The following MAP7 variants were observed in gnomAD, a reference collection of about 807,000 sequenced individuals.
MAP7 encodes the protein ensconsin.
Under a neutral mutation model 94.8 loss-of-function variants are expected in MAP7, and 52 were observed. That is an observed-to-expected ratio of 0.55 (90% CI 0.44 to 0.69). The LOEUF is 0.69. Among genes scored for constraint, MAP7 ranks in the 30% least tolerant of loss-of-function variants. The pLI is 0.00. For synonymous variants in MAP7, 350 were observed against 357.0 expected (o/e 0.98, Z 0.22); for missense variants, 940 against 964.6 (o/e 0.97, Z 0.34).
At chr6:136,456,763 AGG>A in intron 1 of MAP7, among the ~76,000 whole-genome samples, 1 of 46,998 alleles carries the variant, frequency 2.1e-5, no homozygotes, top group African/African-American at 8.1e-5. Flanking sequence ...GAGGAGGAGG[AGG>A]AGGAAGAAGA....
intron 2 of MAP7, among the ~76,000 whole-genome samples, chr6:136,413,361 A>G (rs965017865): frequency 1.3e-5 from 2 of 152,000 alleles, no homozygotes; most frequent in African/African-American, 4.8e-5. Context: ...TGTCTCTACT[A>G]AAAATACAAA....
intron 6 of MAP7, among the ~76,000 whole-genome samples, chr6:136,380,768 T>C (rs1777519935): frequency 1.3e-5 from 2 of 152,252 alleles, no homozygotes; most frequent in South Asian, 4.1e-4. Flanking sequence ...AACACCATAT[T>C]CAGGTGTAAT....
At chr6:136,470,912 A>C (rs1808765617) in intron 1 of MAP7, among the ~76,000 whole-genome samples, 1 of 152,122 alleles carries the variant, frequency 6.6e-6, no homozygotes, top group South Asian at 2.1e-4. Flanking sequence ...TTCCTTGCAG[A>C]GTTTCACATA....
chr6:136,411,484 T>C, intron 3 of MAP7, 136 bp downstream of exon 3: 1 of 722,352 alleles, frequency 1.4e-6, no homozygotes, highest in Non-Finnish European at 2.3e-6. Flanking sequence ...AACTTATCCC[T>C]ATGTTTATAT....
At chr6:136,408,652 A>C (rs1414272927) in intron 3 of MAP7, among the ~76,000 whole-genome samples, 1 of 152,168 alleles carries the variant, frequency 6.6e-6, no homozygotes, top group East Asian at 1.9e-4. Flanking sequence ...ATTTTTTTTA[A>C]CTTGAAAACT....
intron 1 of MAP7, among the ~76,000 whole-genome samples, chr6:136,547,711 C>A (rs1161523938): frequency 6.7e-6 from 1 of 150,092 alleles, no homozygotes; most frequent in African/African-American, 2.5e-5. Flanking sequence ...TATATACCCA[C>A]AGAAATAGGG....
intron 16 of MAP7, among the ~76,000 whole-genome samples, chr6:136,352,860 A>G (rs1789621534): frequency 6.6e-6 from 1 of 152,250 alleles, no homozygotes; most frequent in South Asian, 2.1e-4. Context: ...GATAAATAAA[A>G]GTACTTCTTT....
intron 1 of MAP7, among the ~76,000 whole-genome samples, chr6:136,456,267 A>G (rs72977584): frequency 7.4e-4 from 113 of 152,366 alleles, no homozygotes; most frequent in Admixed American, 2.0e-3. Context: ...TAGGGAAATT[A>G]TAAAATATCT....
chr6:136,378,793 T>G (rs770615878), intron 6 of MAP7, among the ~76,000 whole-genome samples: 2 of 152,232 alleles, frequency 1.3e-5, no homozygotes, highest in African/African-American at 2.4e-5. Context: ...ATAGAAGCTA[T>G]TTTCCAAAAA....
At chr6:136,382,531 C>A (rs1287797017) in intron 6 of MAP7, among the ~76,000 whole-genome samples, 1 of 151,908 alleles carries the variant, frequency 6.6e-6, no homozygotes, top group Non-Finnish European at 1.5e-5. Flanking sequence ...TTATGAAAGG[C>A]CCCTAATTTG....
At chr6:136,376,712 T>TC (rs1776266162) in intron 7 of MAP7, among the ~76,000 whole-genome samples, 1 of 152,252 alleles carries the variant, frequency 6.6e-6, no homozygotes, top group Admixed American at 6.5e-5. Flanking sequence ...TCACTTATTG[T>TC]CGCTGCACTT....
intron 1 of MAP7, among the ~76,000 whole-genome samples, chr6:136,501,430 T>C (rs1246324773): frequency 6.6e-6 from 1 of 152,230 alleles, no homozygotes; most frequent in Non-Finnish European, 1.5e-5. Flanking sequence ...AGGTATTACC[T>C]TGTGTAAAAT....
Position 136,362,525 on chromosome 6 carries a change from G to C in MAP7, c.1451C>G (p.Ala484Gly). The change falls in exon 11 of 18, where the codon GCT becomes GGT. Residue 484 changes from alanine (A) to glycine (G), a missense_variant. Physicochemically the swap from Ala to Gly is moderately conservative, Grantham distance 60. Coordinates refer to ENST00000354570, the MANE Select transcript of MAP7 (RefSeq NM_003980.6). ...CTCTCGGGCCAGCCGCCTCTTCTCA[G>C]CTAGAAGCCTTGTGGCCTCCTCTGG... Reference protein sequence around the residue: ...TDPEEATRLLAEKRRLAREQR... With the variant: ...TDPEEATRLLGEKRRLAREQR... 2 of 1,614,090 alleles carry C rather than the reference G, an allele frequency of 1.2e-6. No individual in the cohort carries two copies. Among genetic ancestry groups the C allele is most frequent in the African/African-American group, 2.7e-5 (2 of 75,006 alleles).
At chr6:136,540,930 T>G (rs774646314) in intron 1 of MAP7, among the ~76,000 whole-genome samples, 8 of 152,180 alleles carry the variant, frequency 5.3e-5, no homozygotes, top group Non-Finnish European at 8.8e-5. Context: ...TCAATGATAC[T>G]CCAGCACATG....
intron 16 of MAP7, among the ~76,000 whole-genome samples, chr6:136,355,249 C>A (rs568814757): frequency 8.6e-5 from 13 of 150,870 alleles, no homozygotes; most frequent in African/African-American, 2.9e-4. Context: ...TCTGTGGTAT[C>A]TTTTATTCTT....
chr6:136,412,354 A>T (rs1787755078), intron 2 of MAP7, among the ~76,000 whole-genome samples: 1 of 152,194 alleles, frequency 6.6e-6, no homozygotes, highest in African/African-American at 2.4e-5. Context: ...TCACCAAAAA[A>T]AGACAAAAAC....
chr6:136,496,071 A>T (rs987360026), intron 1 of MAP7, among the ~76,000 whole-genome samples: 2 of 152,192 alleles, frequency 1.3e-5, no homozygotes, highest in Non-Finnish European at 2.9e-5. Flanking sequence ...TCCCCAAACC[A>T]TGTTATGTTA....
rs541495340 is a variant in MAP7 at position 136,420,098 on chromosome 6, A to G, written c.166+1603T>C. The G allele has an allele frequency of 7.0e-6, 6 of 854,838 alleles. No individual in the cohort carries two copies. In the African/African-American group the frequency reaches 8.2e-5, roughly 12 times the overall value. The allele number at this position is 854,838 out of a possible 1,614,324, so 53.0% of individuals were successfully genotyped here. A position where few individuals can be genotyped will look rare whatever the true frequency, so the allele number is the denominator to read the frequency against. ...GAGGGGTCAGTCTCCAACTTAAAGG[A>G]AATTATAAATGCTTTGGGAGCACAA... On this transcript the variant is annotated intron_variant, in intron 2 of 17. Coordinates refer to ENST00000354570, the MANE Select transcript of MAP7 (RefSeq NM_003980.6).
At chr6:136,493,419 GCTT>G (rs1817305487) in intron 1 of MAP7, among the ~76,000 whole-genome samples, 1 of 151,502 alleles carries the variant, frequency 6.6e-6, no homozygotes. Context: ...CACCGCACCG[GCTT>G]CTTCTTTCCT....
Sources: gnomAD v4.1 joint callset for allele counts (sites outside exome capture counted in the v4.1 genomes callset) on GRCh38, gnomAD v4.1.1 for gene constraint, MANE v1.5 for transcripts, NCBI Gene and HGNC (gene_info 2026-07-23, HGNC 2026-07-21) for gene names.